AJAP1: variants seen among roughly 807,000 people sequenced by gnomAD.
AJAP1 encodes adherens junctions associated protein 1, also known as adherens junction-associated protein 1.
AJAP1 carries 5 observed loss-of-function variants against 35.0 expected under a neutral mutation model. That is an observed-to-expected ratio of 0.14 (90% CI 0.07 to 0.30). The LOEUF is 0.30. Among genes scored for constraint, AJAP1 ranks in the 10% least tolerant of loss-of-function variants. The pLI, the probability that AJAP1 is intolerant of heterozygous loss-of-function variation, is 1.00. For missense variants in AJAP1, 586 were observed against 571.0 expected, an observed-to-expected ratio of 1.03 and a Z score of -0.27; for synonymous variants, 284 against 249.3, an observed-to-expected ratio of 1.14 and a Z score of -1.31.
chr1:4,772,338 G>C lies in AJAP1; in HGVS notation c.976G>C (p.Glu326Gln). The change falls in exon 4 of 6, where the codon GAG becomes CAG. Residue 326 changes from glutamate (E) to glutamine (Q), a missense_variant. Coordinates refer to ENST00000378191, the MANE Select transcript of AJAP1 (RefSeq NM_018836.4). ...NSHQRKTNQQ[E>Q]ESCQNLTDFP... ...CCACCAGCGGAAGACCAACCAGCAG[G>C]AGGAGAGCTGCCAGAACCTCACGGA... 2 of 1,614,222 alleles carry C rather than the reference G, an allele frequency of 1.2e-6. No homozygotes were observed. The highest frequency in any genetic ancestry group is 1.7e-6 in the Non-Finnish European group (2 of 1,180,042).
intron 1 of AJAP1, among the ~76,000 whole-genome samples, chr1:4,690,764 T>G (rs909544461): frequency 1.2e-4 from 18 of 152,152 alleles, no homozygotes; most frequent in African/African-American, 4.3e-4. Context: ...CTGAGTTCTC[T>G]CCACACTCAG....
chr1:4,712,708 A>G lies in AJAP1; in HGVS notation c.829+9A>G, dbSNP rs1557621898. 2.7e-6 allele frequency: 4 copies of G among 1,505,622 alleles called. No homozygotes were observed. The highest frequency in any genetic ancestry group is 2.3e-5 in the East Asian group (1 of 42,888). 93.3% of individuals were successfully genotyped at this position (1,505,622 alleles called of 1,614,324 possible). ...TCTGGGGGAGGCCTCAGGTACAGCCATCTCTCTTCTGGTTTGGGTTTGCTT... is the reference window on the plus strand; with the variant it reads ...TCTGGGGGAGGCCTCAGGTACAGCCGTCTCTCTTCTGGTTTGGGTTTGCTT... On this transcript the variant is annotated intron_variant, in intron 2 of 5. Transcript: ENST00000378191.
intron 1 of AJAP1, among the ~76,000 whole-genome samples, chr1:4,678,741 G>A (rs1639413133): frequency 6.6e-6 from 1 of 152,192 alleles, no homozygotes; most frequent in South Asian, 2.1e-4. Flanking sequence ...CACCATCTAA[G>A]ACTGAACACC....
Position 4,786,514 on chromosome 1 carries a change from A to G in AJAP1, c.*4029A>G, listed in dbSNP as rs1296476735. 6.6e-6 allele frequency: 1 copy of G among 152,236 alleles called. No homozygotes were observed. Among genetic ancestry groups the G allele is most frequent in the Non-Finnish European group, 1.5e-5 (1 of 68,052 alleles). The allele number at this position is 152,236 out of a possible 1,614,324, so 9.4% of individuals were successfully genotyped here. ...TTCACAGCCATATTTTAGCGTCAGG[A>G]AAAGCCATGCTTAGAGGGATTGGTC... On this transcript the variant is annotated 3_prime_UTR_variant, in exon 6 of 6. Transcript: ENST00000378191.
intron 1 of AJAP1, among the ~76,000 whole-genome samples, chr1:4,695,170 A>C (rs1469155610): frequency 2.0e-5 from 3 of 152,060 alleles, no homozygotes; most frequent in Non-Finnish European, 4.4e-5. Context: ...GTGGCCATGT[A>C]GGGACTGAGA....
At chr1:4,736,580 G>T (rs1640929162) in intron 2 of AJAP1, among the ~76,000 whole-genome samples, 1 of 152,202 alleles carries the variant, frequency 6.6e-6, no homozygotes, top group African/African-American at 2.4e-5. Context: ...AGGATTAAAA[G>T]TGAGGCCCTG....
chr1:4,678,800 G>A (rs1015405516), intron 1 of AJAP1, among the ~76,000 whole-genome samples: 1 of 152,196 alleles, frequency 6.6e-6, no homozygotes, highest in African/African-American at 2.4e-5. Context: ...CACCACTGCG[G>A]TCATTTGCTC....
intron 2 of AJAP1, among the ~76,000 whole-genome samples, chr1:4,739,012 A>T (rs998013212): frequency 2.0e-5 from 3 of 151,804 alleles, no homozygotes; most frequent in African/African-American, 7.3e-5. Flanking sequence ...GGGAATTGAG[A>T]TGTGGGGGAG....
chr1:4,664,767 G>A (rs1440607945), intron 1 of AJAP1, among the ~76,000 whole-genome samples: 1 of 152,112 alleles, frequency 6.6e-6, no homozygotes, highest in Admixed American at 6.5e-5. Context: ...GCTGACTACA[G>A]CCCTGATCAG....
intron 2 of AJAP1, among the ~76,000 whole-genome samples, chr1:4,732,493 G>C (rs1479256722): frequency 1.3e-5 from 2 of 152,268 alleles, no homozygotes; most frequent in Admixed American, 6.5e-5. Flanking sequence ...TGGCCTGCCA[G>C]CTGTCCCTCA....
intron 1 of AJAP1, among the ~76,000 whole-genome samples, chr1:4,697,714 T>C (rs1639897945): frequency 6.6e-6 from 1 of 152,206 alleles, no homozygotes; most frequent in Admixed American, 6.5e-5. Context: ...GAGTAGCGTG[T>C]CTGTCCCTGA....
chr1:4,768,223 C>T (rs1031527306), intron 2 of AJAP1, among the ~76,000 whole-genome samples: 1 of 152,356 alleles, frequency 6.6e-6, no homozygotes, highest in East Asian at 1.9e-4. Flanking sequence ...ACTAGTGCTG[C>T]AGGCGCACAG....
intron 1 of AJAP1, among the ~76,000 whole-genome samples, chr1:4,659,167 C>T (rs1288854787): frequency 6.6e-6 from 1 of 152,164 alleles, no homozygotes; most frequent in Non-Finnish European, 1.5e-5. Flanking sequence ...CCCAGGGGCT[C>T]CTCTCAGGGG....
chr1:4,709,359 T>G (rs895501680), intron 1 of AJAP1, among the ~76,000 whole-genome samples: 2 of 150,450 alleles, frequency 1.3e-5, no homozygotes, highest in African/African-American at 4.9e-5. Flanking sequence ...ACTGTTGGAG[T>G]CTGGTGCAGT....
chr1:4,679,808 G>GGTGTGTGTGTGT lies in AJAP1; in HGVS notation c.29+24387_29+24398dup, dbSNP rs60846836. On this transcript the variant is annotated intron_variant, in intron 1 of 5. Coordinates refer to ENST00000378191, the MANE Select transcript of AJAP1 (RefSeq NM_018836.4). Reference sequence around the variant, plus strand: ...TTCTGCTTAGAAACAGAACCAATAGGGTGTGTGTGTGTGTGTGTGTGTGTG... The same window carrying GGTGTGTGTGTGT: ...TTCTGCTTAGAAACAGAACCAATAGGGTGTGTGTGTGTGTGTGTGTGTGTGTGTGTGTGTGTG... 6.4e-3 allele frequency among the ~76,000 whole-genome samples: 912 copies of GGTGTGTGTGTGT among 142,396 alleles called. 4 individuals carry two copies. Among genetic ancestry groups the GGTGTGTGTGTGT allele is most frequent in the East Asian group, 0.028 (133 of 4,818 alleles). 93.4% of individuals were successfully genotyped at this position (142,396 alleles called of 152,430 possible). A position where few individuals can be genotyped will look rare whatever the true frequency, so the allele number is the denominator to read the frequency against.
chr1:4,737,172 T>C (rs1229563185), intron 2 of AJAP1, among the ~76,000 whole-genome samples: 3 of 152,008 alleles, frequency 2.0e-5, no homozygotes, highest in African/African-American at 4.8e-5. Flanking sequence ...TATGGGGCTG[T>C]GGATGGGCAC....
intron 1 of AJAP1, among the ~76,000 whole-genome samples, chr1:4,704,618 CG>C (rs552223185): frequency 0.012 from 1,766 of 152,164 alleles, 15 homozygotes; most frequent in Non-Finnish European, 0.019. Context: ...AATAAACATA[CG>C]TGTGCATGTG....
intron 1 of AJAP1, among the ~76,000 whole-genome samples, chr1:4,666,037 C>T (rs1639109126): frequency 6.6e-6 from 1 of 152,156 alleles, no homozygotes; most frequent in African/African-American, 2.4e-5. Context: ...GAGTGTGCTG[C>T]ACAGATGGGG....
At position 4,710,527 on chromosome 1, in the gene AJAP1, GAC is replaced by G. The variant is rs1455013594; in HGVS notation, c.30-1365_30-1364del. 2.0e-5 allele frequency among the ~76,000 whole-genome samples: 3 copies of G among 152,140 alleles called. No homozygotes were observed. The South Asian group carries it at 6.2e-4, about 32-fold the overall frequency. On this transcript the variant is annotated intron_variant, in intron 1 of 5. Transcript: ENST00000378191. ...CACACTTGCGTGCACGCATTACAAT[GAC>G]ACACACAGCTTCCTTCCTTTGTGAA... is the stretch of plus-strand genomic sequence containing the variant.
Sources: allele counts gnomAD v4.1 joint callset (sites outside exome capture counted in the v4.1 genomes callset), GRCh38; gene constraint gnomAD v4.1.1; transcripts MANE v1.5; gene names NCBI Gene and HGNC (gene_info 2026-07-23, HGNC 2026-07-21).